Variants in CSMD3 observed in about 807,000 individuals in gnomAD.
CSMD3 encodes the protein CUB and Sushi multiple domains 3.
A neutral mutation model predicts 435.2 loss-of-function variants in CSMD3; 177 were observed. That is an observed-to-expected ratio of 0.41 (90% CI 0.36 to 0.46). The LOEUF (loss-of-function observed/expected upper bound fraction) is 0.46, where lower values mean the gene tolerates loss of function less well. Ranked by LOEUF, CSMD3 falls within the 20% of genes least tolerant of loss-of-function variation. The pLI is 0.34. For missense variants in CSMD3, 4,265 were observed against 4,504.6 expected, an observed-to-expected ratio of 0.95 and a Z score of 1.52; for synonymous variants, 1,656 against 1,520.5, an observed-to-expected ratio of 1.09 and a Z score of -2.07.
intron 4 of CSMD3, among the ~76,000 whole-genome samples, chr8:113,136,205 A>T (rs573768187): frequency 6.6e-6 from 1 of 151,808 alleles, no homozygotes; most frequent in Non-Finnish European, 1.5e-5. Context: ...GATGCTAAAA[A>T]GTTTTCTGAG....
chr8:112,951,574 GTAT>G (rs1445319339), intron 8 of CSMD3, among the ~76,000 whole-genome samples: 17 of 151,612 alleles, frequency 1.1e-4, no homozygotes, highest in African/African-American at 4.1e-4. Flanking sequence ...TATCAACATT[GTAT>G]TGTTGTTTTT....
chr8:112,654,427 C>G (rs2075206973), intron 18 of CSMD3, among the ~76,000 whole-genome samples: 1 of 152,206 alleles, frequency 6.6e-6, no homozygotes, highest in East Asian at 1.9e-4. Flanking sequence ...AATTTAAATA[C>G]AAAGTTATTT....
chr8:113,025,259 G>A (rs1394397994), intron 5 of CSMD3, among the ~76,000 whole-genome samples: 1 of 152,054 alleles, frequency 6.6e-6, no homozygotes, highest in Non-Finnish European at 1.5e-5. Context: ...GGTAGTTTTG[G>A]TAAAGTGAAA....
chr8:113,215,242 G>C (rs1334334806), intron 3 of CSMD3, among the ~76,000 whole-genome samples: 2 of 151,796 alleles, frequency 1.3e-5, no homozygotes, highest in African/African-American at 4.8e-5. Flanking sequence ...GACATGGTTT[G>C]GTTGATCAAT....
At chr8:113,138,662 G>C (rs759586859) in intron 4 of CSMD3, among the ~76,000 whole-genome samples, 1 of 151,250 alleles carries the variant, frequency 6.6e-6, no homozygotes, top group African/African-American at 2.4e-5. Context: ...TTGTGTTATC[G>C]TGATGGGATT....
intron 27 of CSMD3, among the ~76,000 whole-genome samples, chr8:112,522,733 C>A (rs1824428014): frequency 6.6e-6 from 1 of 151,796 alleles, no homozygotes. Flanking sequence ...TTATGAATAA[C>A]CTAGGGTTTG....
At chr8:113,342,776 G>C (rs2132855215) in intron 1 of CSMD3, among the ~76,000 whole-genome samples, 1 of 152,218 alleles carries the variant, frequency 6.6e-6, no homozygotes, top group Admixed American at 6.5e-5. Context: ...ATTTCCATGT[G>C]ATAATAGTCC....
chr8:112,329,197 T>C (rs1823799359), intron 45 of CSMD3, among the ~76,000 whole-genome samples: 1 of 152,278 alleles, frequency 6.6e-6, no homozygotes, highest in East Asian at 1.9e-4. Flanking sequence ...CCCTGGCATA[T>C]AGACCTGGCT....
chr8:112,529,043 C>T (rs1206826068), intron 27 of CSMD3, among the ~76,000 whole-genome samples: 1 of 152,042 alleles, frequency 6.6e-6, no homozygotes, highest in Non-Finnish European at 1.5e-5. Context: ...TGCTGCTCAG[C>T]ATAACATGAG....
chr8:113,384,297 T>G (rs1331936721), intron 1 of CSMD3, among the ~76,000 whole-genome samples: 1 of 152,272 alleles, frequency 6.6e-6, no homozygotes, highest in East Asian at 1.9e-4. Flanking sequence ...GCACTCAAAA[T>G]ATGTTTAATA....
At chr8:113,411,798 A>G (rs2094560946) in intron 1 of CSMD3, among the ~76,000 whole-genome samples, 1 of 152,164 alleles carries the variant, frequency 6.6e-6, no homozygotes, top group African/African-American at 2.4e-5. Flanking sequence ...TATGCTACCT[A>G]CAGTTTTAGT....
At chr8:112,319,097 C>A (rs529050714) in intron 46 of CSMD3, 147 bp from the exon 47 acceptor site, 240 of 660,310 alleles carry the variant, frequency 3.6e-4, no homozygotes, top group Non-Finnish European at 5.5e-4. Flanking sequence ...GAGTTATATT[C>A]AAAATATTGA....
At chr8:112,557,308 C>T (rs1340888025) in intron 24 of CSMD3, among the ~76,000 whole-genome samples, 1 of 151,870 alleles carries the variant, frequency 6.6e-6, no homozygotes, top group African/African-American at 2.4e-5. Flanking sequence ...GTCCCTGATT[C>T]CTGGCACAGA....
At position 112,263,799 on chromosome 8, in the gene CSMD3, T is replaced by A; in HGVS notation, c.9702A>T (p.Pro3234=). 6.2e-7 allele frequency: 1 copy of A among 1,613,802 alleles called. No homozygotes were observed. The highest frequency in any genetic ancestry group is 8.5e-7 in the Non-Finnish European group (1 of 1,179,754). ...VMPTCRAVTC[P]TPPQISNGRL... is the part of the protein sequence containing the mutation. ...TTCCATTAGAGATCTGGGGAGGAGT[T>A]GGGCAGGTAACAGCTGCAATTACAT... The change falls in exon 61 of 71, where the codon CCA becomes CCT. Residue 3234 remains proline (P), a synonymous_variant. Coordinates refer to ENST00000297405, the MANE Select transcript of CSMD3 (RefSeq NM_198123.2).
chr8:112,894,936 C>T (rs1031419869), intron 10 of CSMD3, among the ~76,000 whole-genome samples: 1 of 151,108 alleles, frequency 6.6e-6, no homozygotes, highest in Non-Finnish European at 1.5e-5. Context: ...TAATAAATGC[C>T]AGTGGAGTTT....
chr8:112,946,265 T>G (rs2083607745), intron 9 of CSMD3, among the ~76,000 whole-genome samples: 1 of 151,796 alleles, frequency 6.6e-6, no homozygotes, highest in Non-Finnish European at 1.5e-5. Flanking sequence ...GCATAAGTTA[T>G]CTCATGTGAT....
intron 70 of CSMD3, 150 bp from the exon 71 acceptor site, chr8:112,225,080 T>G (rs775968787): frequency 1.3e-6 from 1 of 785,314 alleles, no homozygotes; most frequent in Non-Finnish European, 2.1e-6. Context: ...CTTGAACAAT[T>G]TCCTTGTTAC....
chr8:113,198,655 A>G (rs1434302164), intron 3 of CSMD3, among the ~76,000 whole-genome samples: 1 of 151,276 alleles, frequency 6.6e-6, no homozygotes, highest in African/African-American at 2.4e-5. Context: ...TTTTTTGGAC[A>G]GACTAAATGA....
intron 13 of CSMD3, among the ~76,000 whole-genome samples, chr8:112,703,007 T>A (rs2076422781): frequency 6.6e-6 from 1 of 152,172 alleles, no homozygotes; most frequent in South Asian, 2.1e-4. Context: ...TGATACAATA[T>A]AATTTATCAT....
Sources: gnomAD v4.1 joint callset for allele counts (sites outside exome capture counted in the v4.1 genomes callset) on GRCh38, gnomAD v4.1.1 for gene constraint, MANE v1.5 for transcripts, NCBI Gene and HGNC (gene_info 2026-07-23, HGNC 2026-07-21) for gene names.